The following RIC1 variants were observed in gnomAD, a reference collection of about 807,000 sequenced individuals.
The protein encoded by RIC1 is guanine nucleotide exchange factor subunit RIC1.
In RIC1, 88 loss-of-function variants were observed where a neutral mutation model predicts 169.0. The observed-to-expected ratio is 0.52, with a 90% CI of 0.44 to 0.62. RIC1 has a LOEUF of 0.62. RIC1 is among the 20% of genes least tolerant of loss of function. The pLI is 0.00. For missense variants in RIC1, 1,877 were observed against 1,725.5 expected (o/e 1.09, Z -1.56); for synonymous variants, 790 against 601.5 (o/e 1.31, Z -4.59).
intron 6 of RIC1, among the ~76,000 whole-genome samples, chr9:5,730,662 T>C (rs1438028323): frequency 6.6e-6 from 1 of 152,120 alleles, no homozygotes; most frequent in Non-Finnish European, 1.5e-5. Flanking sequence ...GGGAGACTTT[T>C]GGGTACTCAT....
At chr9:5,666,307 A>T (rs1410830399) in intron 2 of RIC1, among the ~76,000 whole-genome samples, 1 of 152,076 alleles carries the variant, frequency 6.6e-6, no homozygotes, top group Non-Finnish European at 1.5e-5. Context: ...CGACTTTGCT[A>T]ACTTTATTAG....
chr9:5,749,386 T>G (rs991144073), intron 12 of RIC1, among the ~76,000 whole-genome samples: 1 of 152,158 alleles, frequency 6.6e-6, no homozygotes, highest in Non-Finnish European at 1.5e-5. Flanking sequence ...AATGCTAAAC[T>G]TTTACGTTCT....
intron 1 of RIC1, among the ~76,000 whole-genome samples, chr9:5,639,289 T>A (rs553626364): frequency 1.3e-5 from 2 of 152,338 alleles, no homozygotes; most frequent in African/African-American, 4.8e-5. Flanking sequence ...ACTTTTGATA[T>A]GTTGTGTTTC....
Position 5,762,562 on chromosome 9 carries a change from A to G in RIC1, c.2014A>G (p.Met672Val). The G allele has an allele frequency of 3.1e-6, 5 of 1,614,022 alleles. No individual in the cohort carries two copies. Among genetic ancestry groups the G allele is most frequent in the Non-Finnish European group, 4.2e-6 (5 of 1,179,908 alleles). Residue 672 changes from methionine (M) to valine (V), a missense_variant, in exon 18 of 26, where the codon ATG (methionine) becomes GTG (valine). Met to Val is a conservative substitution (Grantham distance 21, BLOSUM62 1). Around this residue, in one of 3 missense-constraint regions of RIC1, gnomAD observed 1,104 missense variants for 992.0 expected, o/e 1.11. Transcript: ENST00000414202. ...PQQARGAESI[M>V]LNLAGQLIMM... ...TCAGGCTCGTGGTGCAGAGAGCATTATGTTAAACCTGGCAGGACAGCTCAT... is the reference window on the plus strand; with the variant it reads ...TCAGGCTCGTGGTGCAGAGAGCATTGTGTTAAACCTGGCAGGACAGCTCAT...
intron 1 of RIC1, among the ~76,000 whole-genome samples, chr9:5,634,256 T>C (rs1817863586): frequency 6.6e-6 from 1 of 152,210 alleles, no homozygotes; most frequent in Non-Finnish European, 1.5e-5. Flanking sequence ...TACCTAGAAG[T>C]AGGATTGTTG....
chr9:5,630,267 ACT>A (rs1400690424), intron 1 of RIC1, among the ~76,000 whole-genome samples: 2 of 152,156 alleles, frequency 1.3e-5, no homozygotes, highest in African/African-American at 2.4e-5. Context: ...GATACTCCCT[ACT>A]CTCTGCAAAC....
intron 5 of RIC1, 139 bp downstream of exon 5, chr9:5,720,463 G>C: frequency 8.9e-7 from 1 of 1,125,488 alleles, no homozygotes; most frequent in South Asian, 1.6e-5. Context: ...CGGGGTGAGA[G>C]AGGCATTTAA....
intron 2 of RIC1, among the ~76,000 whole-genome samples, chr9:5,658,401 A>G (rs1279059664): frequency 6.6e-6 from 1 of 152,126 alleles, no homozygotes; most frequent in Non-Finnish European, 1.5e-5. Context: ...AAAATAAAAT[A>G]TGAAAATGAA....
intron 2 of RIC1, among the ~76,000 whole-genome samples, chr9:5,662,081 G>C (rs1260311930): frequency 1.3e-5 from 2 of 152,162 alleles, no homozygotes; most frequent in Non-Finnish European, 2.9e-5. Flanking sequence ...CGCATCTATT[G>C]AGATAATCAT....
chr9:5,750,243 C>A (rs2031180), intron 12 of RIC1, among the ~76,000 whole-genome samples: 55,918 of 151,636 alleles, frequency 0.37, 11,433 homozygotes, highest in African/African-American at 0.52. Flanking sequence ...CTAAGACTGC[C>A]ATTTATTTTA....
chr9:5,684,462 G>T (rs1206754391), intron 2 of RIC1, among the ~76,000 whole-genome samples: 1 of 151,962 alleles, frequency 6.6e-6, no homozygotes, highest in East Asian at 1.9e-4. Context: ...CTAGTTATCA[G>T]TGTACAAGTA....
chr9:5,659,427 A>G (rs1819312451), intron 2 of RIC1, among the ~76,000 whole-genome samples: 2 of 152,190 alleles, frequency 1.3e-5, no homozygotes, highest in Non-Finnish European at 2.9e-5. Flanking sequence ...AAAAAATTTA[A>G]CAGCCCCAAA....
rs1343720361 is a variant in RIC1 at position 5,776,080 on chromosome 9, G to T, written c.*1834G>T. On this transcript the variant is annotated 3_prime_UTR_variant, in exon 26 of 26. Transcript: ENST00000414202. ...TTATAAAGAGCTGTGATCTTTTCAA[G>T]TATCTGAAATAAAACACTGTGCTGC... 1 of 152,094 alleles carries T rather than the reference G, an allele frequency of 6.6e-6. No homozygotes were observed. The highest frequency in any genetic ancestry group is 1.5e-5 in the Non-Finnish European group (1 of 67,986). The allele number at this position is 152,094 out of a possible 1,614,324, so 9.4% of individuals were successfully genotyped here.
At position 5,629,256 on chromosome 9, in the gene RIC1, G is replaced by A; in HGVS notation, c.-54G>A. 2 of 1,409,138 alleles carry A rather than the reference G, an allele frequency of 1.4e-6. No homozygotes were observed. The highest frequency in any genetic ancestry group is 9.3e-7 in the Non-Finnish European group (1 of 1,079,312). The allele number at this position is 1,409,138 out of a possible 1,614,324, so 87.3% of individuals were successfully genotyped here. A position where few individuals can be genotyped will look rare whatever the true frequency, so the allele number is the denominator to read the frequency against. Reference sequence around the variant, plus strand: ...GTGTGGGAGGTGGGCGACCAGCCCGGGGCCGCTGAGTGTGACGGACGCAAC... The same window carrying A: ...GTGTGGGAGGTGGGCGACCAGCCCGAGGCCGCTGAGTGTGACGGACGCAAC... On this transcript the variant is annotated 5_prime_UTR_variant, in exon 1 of 26. Coordinates refer to ENST00000414202, the MANE Select transcript of RIC1 (RefSeq NM_020829.4).
intron 2 of RIC1, among the ~76,000 whole-genome samples, chr9:5,660,471 A>G (rs117026775): frequency 0.045 from 6,847 of 152,290 alleles, 209 homozygotes; most frequent in Non-Finnish European, 0.07. Flanking sequence ...TCCTACCAAC[A>G]GTGTAAAAGC....
At chr9:5,636,094 A>G (rs958565368) in intron 1 of RIC1, among the ~76,000 whole-genome samples, 1 of 152,234 alleles carries the variant, frequency 6.6e-6, no homozygotes, top group Non-Finnish European at 1.5e-5. Flanking sequence ...ATGTGAAAAT[A>G]TCATTGAAAT....
Position 5,762,621 on chromosome 9 carries a change from C to T in RIC1, c.2073C>T (p.Ile691=). The T allele has an allele frequency of 1.9e-6, 3 of 1,613,912 alleles. No individual in the cohort carries two copies. The highest frequency in any genetic ancestry group is 1.3e-5 in the African/African-American group (1 of 75,004). The part of the protein sequence containing the change: ...MMQRDRSGPQ[I]REKDSNPNNQ... Reference sequence around the variant, plus strand: ...AGAGGGACAGGTCAGGCCCACAGATCCGGGAGAAGGACAGTAACCCTAATA... The same window carrying T: ...AGAGGGACAGGTCAGGCCCACAGATTCGGGAGAAGGACAGTAACCCTAATA... The change falls in exon 18 of 26, where the codon ATC becomes ATT. Residue 691 remains isoleucine (I), a synonymous_variant. Transcript: ENST00000414202.
At chr9:5,634,957 T>C (rs917027054) in intron 1 of RIC1, among the ~76,000 whole-genome samples, 7 of 152,202 alleles carry the variant, frequency 4.6e-5, no homozygotes, top group Non-Finnish European at 1.0e-4. Flanking sequence ...ATAGTCACCC[T>C]GTTGTACTAT....
At position 5,745,945 on chromosome 9, in the gene RIC1, A is replaced by C; in HGVS notation, c.1110A>C (p.Glu370Asp). ...LKINSMSWGA[E>D]GYHLWVISGF... ...TTCTCTCTAAGAGCTGGGGTGCAGA[A>C]GGCTATCACCTATGGGTAATCAGCG... Residue 370 changes from glutamate to aspartate, a missense_variant, in exon 11 of 26, where the codon GAA (glutamate) becomes GAC (aspartate). Glu to Asp is a conservative substitution (Grantham distance 45). This residue lies in a region of RIC1 where 1,104 missense variants were observed against 992.0 expected (regional missense o/e 1.11). Coordinates refer to ENST00000414202, the MANE Select transcript of RIC1 (RefSeq NM_020829.4). 6.2e-7 allele frequency: 1 copy of C among 1,613,236 alleles called. No homozygotes were observed. Among genetic ancestry groups the C allele is most frequent in the Non-Finnish European group, 8.5e-7 (1 of 1,179,424 alleles).
Sources: allele counts gnomAD v4.1 joint callset (sites outside exome capture counted in the v4.1 genomes callset), GRCh38; gene constraint gnomAD v4.1.1; regional missense constraint gnomAD v4.1.1; transcripts MANE v1.5; gene names NCBI Gene and HGNC (gene_info 2026-07-23, HGNC 2026-07-21).